The following JAKMIP2 variants were observed in gnomAD, a reference collection of about 807,000 sequenced individuals.
JAKMIP2 encodes the protein janus kinase and microtubule-interacting protein 2.
In JAKMIP2, 25 loss-of-function variants were observed where a neutral mutation model predicts 115.0. That is an observed-to-expected ratio of 0.22 (90% CI 0.16 to 0.30). The LOEUF (loss-of-function observed/expected upper bound fraction) is 0.30, where lower values mean the gene tolerates loss of function less well. Ranked by LOEUF, JAKMIP2 falls within the 10% of genes least tolerant of loss-of-function variation. The probability of loss-of-function intolerance (pLI) is 1.00; values close to 1 mark genes in which losing one functional copy is unlikely to be tolerated. For synonymous variants in JAKMIP2, 334 were observed against 343.6 expected, an observed-to-expected ratio of 0.97 and a Z score of 0.31; for missense variants, 642 against 957.6, an observed-to-expected ratio of 0.67 and a Z score of 4.35.
At chr5:147,620,406 A>ACG (rs1265241021) in intron 18 of JAKMIP2, among the ~76,000 whole-genome samples, 3 of 152,212 alleles carry the variant, frequency 2.0e-5, no homozygotes, top group African/African-American at 7.2e-5. Flanking sequence ...ATGAGGCACC[A>ACG]CGTCTGGCCT....
rs766548680 is a variant in JAKMIP2, at chr5:147,612,419, G to T, written c.2347-48C>A. The T allele has an allele frequency of 5.3e-6, 6 of 1,142,400 alleles. No homozygotes were observed. In the African/African-American group the frequency reaches 7.8e-5, roughly 15 times the overall value. 70.8% of individuals were successfully genotyped at this position (1,142,400 alleles called of 1,614,324 possible). ...AGAAAGCATCAGTAGGTGGTAAGTT[G>T]TGCGGAAAAATAATTTACCAAATGA... On this transcript the variant is annotated intron_variant, in intron 19 of 21. Transcript: ENST00000616793.
chr5:147,764,922 G>GAA lies in JAKMIP2; in HGVS notation c.-149+17533_-149+17534insTT, dbSNP rs550191358. On this transcript the variant is annotated intron_variant, in intron 1 of 21. Coordinates refer to ENST00000616793, the MANE Select transcript of JAKMIP2 (RefSeq NM_001270941.2). ...AGAAAGAAAGAAAGAAAGAAAGAAA[G>GAA]AGAGAGAGAGAGAGAGAGAGAGAGG... Among the ~76,000 whole-genome samples, 284 of 71,654 alleles carry GAA rather than the reference G, an allele frequency of 4.0e-3. 10 individuals are homozygous for GAA. Among genetic ancestry groups the GAA allele is most frequent in the African/African-American group, 0.012 (143 of 11,728 alleles). 47.0% of individuals were successfully genotyped at this position (71,654 alleles called of 152,430 possible).
At chr5:147,594,706 G>T (rs571056381) in intron 21 of JAKMIP2, among the ~76,000 whole-genome samples, 1 of 152,168 alleles carries the variant, frequency 6.6e-6, no homozygotes, top group African/African-American at 2.4e-5. Context: ...GGGCACCACC[G>T]TTTAACCAGT....
At chr5:147,712,336 C>T (rs1752815096) in intron 1 of JAKMIP2, among the ~76,000 whole-genome samples, 1 of 151,726 alleles carries the variant, frequency 6.6e-6, no homozygotes, top group African/African-American at 2.4e-5. Flanking sequence ...AAGCAGTTTA[C>T]CCTCTCTAAA....
At chr5:147,644,663 T>C (rs553468857) in intron 6 of JAKMIP2, among the ~76,000 whole-genome samples, 187 bp downstream of exon 6, 2 of 152,318 alleles carry the variant, frequency 1.3e-5, no homozygotes, top group South Asian at 2.1e-4. Flanking sequence ...TTTGCAAATA[T>C]AGAAACCTCA....
Position 147,636,164 on chromosome 5 carries a change from C to T in JAKMIP2, c.1677+58G>A, listed in dbSNP as rs759758523. 2.3e-4 allele frequency: 324 copies of T among 1,438,286 alleles called. 1 individual carries two copies. The highest frequency in any genetic ancestry group is 2.8e-4 in the Non-Finnish European group (291 of 1,024,112). 89.1% of individuals were successfully genotyped at this position (1,438,286 alleles called of 1,614,324 possible). A position where few individuals can be genotyped will look rare whatever the true frequency, so the allele number is the denominator to read the frequency against. On this transcript the variant is annotated intron_variant, in intron 12 of 21. Coordinates refer to ENST00000616793, the MANE Select transcript of JAKMIP2 (RefSeq NM_001270941.2). ...CCACTCCTGAGAGCACCCCCTGCTG[C>T]TCCTGGATCTCTCATGATTTTCTCC... is the stretch of plus-strand genomic sequence containing the variant.
intron 1 of JAKMIP2, among the ~76,000 whole-genome samples, chr5:147,723,547 G>T (rs1056022761): frequency 6.6e-6 from 1 of 152,102 alleles, no homozygotes; most frequent in Non-Finnish European, 1.5e-5. Flanking sequence ...AAAACTGAGT[G>T]TCTAATCAAA....
intron 10 of JAKMIP2, among the ~76,000 whole-genome samples, chr5:147,638,674 G>C (rs935055827): frequency 6.6e-6 from 1 of 151,950 alleles, no homozygotes; most frequent in Non-Finnish European, 1.5e-5. Flanking sequence ...CAGAAAGAAA[G>C]TAGGATGAAA....
rs79654314 is a variant in JAKMIP2, at chr5:147,742,858, C to G, written c.-149+39598G>C. Among the ~76,000 whole-genome samples, 74 of 148,756 alleles carry G rather than the reference C, an allele frequency of 5.0e-4. 1 individual carries two copies. The highest frequency in any genetic ancestry group is 1.8e-3 in the African/African-American group (71 of 39,902). ...TGAAGAAATTACTGAAATGTAAGTA[C>G]TAATGACTTAAAAAAAAAGTCTAGC... is the stretch of plus-strand genomic sequence containing the variant. On this transcript the variant is annotated intron_variant, in intron 1 of 21. Transcript: ENST00000616793.
intron 1 of JAKMIP2, among the ~76,000 whole-genome samples, chr5:147,755,535 C>T (rs1754714422): frequency 6.6e-6 from 1 of 152,272 alleles, no homozygotes; most frequent in Non-Finnish European, 1.5e-5. Flanking sequence ...AATAGTGATA[C>T]ACGGATGTTA....
At chr5:147,659,524 A>T (rs939229470) in intron 3 of JAKMIP2, among the ~76,000 whole-genome samples, 3 of 152,206 alleles carry the variant, frequency 2.0e-5, no homozygotes, top group African/African-American at 7.2e-5. Flanking sequence ...AAGGGATTTC[A>T]TGCCTACTTC....
chr5:147,709,468 T>C (rs1204761851), intron 1 of JAKMIP2, among the ~76,000 whole-genome samples: 1 of 152,230 alleles, frequency 6.6e-6, no homozygotes, highest in Non-Finnish European at 1.5e-5. Context: ...GTATACAGTA[T>C]ATGTTTTAAG....
At chr5:147,691,472 AT>A (rs1751856133) in intron 1 of JAKMIP2, among the ~76,000 whole-genome samples, 1 of 152,106 alleles carries the variant, frequency 6.6e-6, no homozygotes, top group African/African-American at 2.4e-5. Context: ...TATTGTTGAA[AT>A]TTACAAAGTA....
chr5:147,688,371 A>AT (rs1207131297), intron 1 of JAKMIP2, among the ~76,000 whole-genome samples: 1 of 152,200 alleles, frequency 6.6e-6, no homozygotes, highest in Non-Finnish European at 1.5e-5. Context: ...TAATCCTGCA[A>AT]AACCGTATGC....
chr5:147,782,334 C>G (rs1755791416), intron 1 of JAKMIP2, 122 bp downstream of exon 1: 1 of 968,912 alleles, frequency 1.0e-6, no homozygotes, highest in Admixed American at 2.0e-5. Context: ...TCTCTGTCTC[C>G]ACATCTCCCC....
At chr5:147,717,314 G>C (rs1243003526) in intron 1 of JAKMIP2, among the ~76,000 whole-genome samples, 20 of 144,938 alleles carry the variant, frequency 1.4e-4, no homozygotes, top group African/African-American at 4.6e-4. Flanking sequence ...GCTTAGGATT[G>C]ACTTGGCAAT....
At chr5:147,731,540 T>C (rs1166434833) in intron 1 of JAKMIP2, among the ~76,000 whole-genome samples, 1 of 152,226 alleles carries the variant, frequency 6.6e-6, no homozygotes, top group African/African-American at 2.4e-5. Context: ...AAGTTCGTGA[T>C]CTCTTAAATT....
At chr5:147,641,908 G>T in intron 7 of JAKMIP2, 144 bp from the exon 8 acceptor site, 4 of 621,610 alleles carry the variant, frequency 6.4e-6, no homozygotes, top group South Asian at 2.1e-5. Context: ...GCAACTTTTG[G>T]GATTGATACT....
intron 7 of JAKMIP2, among the ~76,000 whole-genome samples, chr5:147,642,745 T>C (rs1295631300): frequency 6.6e-6 from 1 of 152,086 alleles, no homozygotes; most frequent in East Asian, 1.9e-4. Context: ...TGATGGTTAA[T>C]ATTGAGTGTC....
Sources: gnomAD v4.1 joint callset for allele counts (sites outside exome capture counted in the v4.1 genomes callset) on GRCh38, gnomAD v4.1.1 for gene constraint, MANE v1.5 for transcripts, NCBI Gene and HGNC (gene_info 2026-07-23, HGNC 2026-07-21) for gene names.